The following NACA variants were observed in gnomAD, a reference collection of about 807,000 sequenced individuals.
NACA encodes nascent polypeptide associated complex subunit alpha.
A neutral mutation model predicts 86.4 loss-of-function variants in NACA; 42 were observed. The ratio of observed to expected loss-of-function variants is 0.49; its 90% confidence interval spans 0.38 to 0.63. The LOEUF is 0.63. NACA is among the 20% of genes least tolerant of loss of function. NACA has a pLI of 0.00. For missense variants in NACA, 2,157 were observed against 2,483.6 expected (o/e 0.87, Z 2.80); for synonymous variants, 898 against 973.7 (o/e 0.92, Z 1.45).
In NACA at chr12:56,725,285, G is replaced by A. The variant is rs1953688910; in HGVS notation, c.-25C>T. 1 of 153,546 alleles carries A rather than the reference G, an allele frequency of 6.5e-6. No individual in the cohort carries two copies. Among genetic ancestry groups the A allele is most frequent in the Non-Finnish European group, 1.5e-5 (1 of 68,690 alleles). 9.5% of individuals were successfully genotyped at this position (153,546 alleles called of 1,614,324 possible). A position where few individuals can be genotyped will look rare whatever the true frequency, so the allele number is the denominator to read the frequency against. The stretch of plus-strand genomic sequence containing the variant: ...TACTGTGCAGGGAACGCGGAACCAA[G>A]ATGGCGGCAGAAAGACCGAGCGAGA... On this transcript the variant is annotated 5_prime_UTR_variant, in exon 1 of 9. Transcript: ENST00000454682.
At position 56,716,190 on chromosome 12, in the gene NACA, C is replaced by T; in HGVS notation, c.5340G>A (p.Lys1780=). Residue 1780 remains lysine (K), a synonymous_variant, in exon 3 of 9, where the codon AAG becomes AAA. Coordinates refer to ENST00000454682, the MANE Select transcript of NACA (RefSeq NM_001365896.1). ...ATGCTGATTCAGGTTTAGGAAGGACCTTCTCAAAGGCAGCTGCTGTTAGAG... is the reference window on the plus strand; with the variant it reads ...ATGCTGATTCAGGTTTAGGAAGGACTTTCTCAAAGGCAGCTGCTGTTAGAG... The part of the protein sequence containing the change: ...STPLTAAAFE[K]VLPKPESASV... 1 of 1,613,700 alleles carries T rather than the reference C, an allele frequency of 6.2e-7. No homozygotes were observed. The highest frequency in any genetic ancestry group is 8.5e-7 in the Non-Finnish European group (1 of 1,179,884).
chr12:56,723,291 A>G (rs1421127179), intron 2 of NACA, among the ~76,000 whole-genome samples: 2 of 152,212 alleles, frequency 1.3e-5, no homozygotes, highest in African/African-American at 4.8e-5. Context: ...AGCATTAAGG[A>G]CTGTTTCAGA....
chr12:56,713,934 C>G (rs959342772), intron 5 of NACA: 3 of 447,402 alleles, frequency 6.7e-6, no homozygotes, highest in African/African-American at 5.9e-5. Context: ...GTCCGTCTCC[C>G]AGGTTCAAGC....
Position 56,718,752 on chromosome 12 carries a change from G to A in NACA, c.2778C>T (p.Ala926=). The A allele has an allele frequency of 6.9e-7, 1 of 1,446,256 alleles. No individual in the cohort carries two copies. The highest frequency in any genetic ancestry group is 9.3e-7 in the Non-Finnish European group (1 of 1,071,220). 89.6% of individuals were successfully genotyped at this position (1,446,256 alleles called of 1,614,324 possible). Residue 926 remains alanine (A), a synonymous_variant, in exon 3 of 9, where the codon GCC becomes GCT. Transcript: ENST00000454682. ...ATGGGGAAGCTGGGATTCCTTTAGG[G>A]GCTGGAGTTGCTCGGGCCTTTTTGG... ...SSPKKARATP[A]PKGIPASPSP... is the part of the protein sequence containing the mutation.
intron 5 of NACA, 182 bp from the exon 6 acceptor site, chr12:56,713,865 C>A: frequency 1.6e-6 from 1 of 638,082 alleles, no homozygotes; most frequent in Non-Finnish European, 2.6e-6. Context: ...TTTTTGGAGG[C>A]AGGTCTTGCT....
In NACA at chr12:56,719,925, TAC is replaced by T; in HGVS notation, c.1603_1604del (p.Val535ThrfsTer5). ...AAGGGGCTCCTTCAAGAGAGGCAGG[TAC>T]AGTTTGGAGGTCTTTTTGTGTTGGA... The part of the protein sequence containing the change: ...KFPTQKDLQT[V>X]PASLEGAPFS... On this transcript the variant is annotated frameshift_variant, in exon 3 of 9. Transcript: ENST00000454682. LOFTEE classifies it high-confidence loss of function. The T allele has an allele frequency of 6.4e-7, 1 of 1,572,892 alleles. No homozygotes were observed. The highest frequency in any genetic ancestry group is 1.2e-5 in the South Asian group (1 of 85,768).
At chr12:56,712,691 G>T in intron 8 of NACA, 95 bp downstream of exon 8, 1 of 1,603,174 alleles carries the variant, frequency 6.2e-7, no homozygotes, top group Non-Finnish European at 8.5e-7. Context: ...CTGGAATGAG[G>T]TTCCTTAATT....
At position 56,721,370 on chromosome 12, in the gene NACA, G is replaced by GT; in HGVS notation, c.159dup (p.Gln54ThrfsTer9). On this transcript the variant is annotated frameshift_variant, in exon 3 of 9. Coordinates refer to ENST00000454682, the MANE Select transcript of NACA (RefSeq NM_001365896.1). LOFTEE classifies it high-confidence loss of function. ...TTAGCAGCTGAGAGAGGGCACTGTT[G>GT]TGGGGCAGGAGAGCAAGGAGGGGGG... 1 of 1,598,290 alleles carries GT rather than the reference G, an allele frequency of 6.3e-7. No homozygotes were observed. The highest frequency in any genetic ancestry group is 1.1e-5 in the South Asian group (1 of 89,040).
chr12:56,723,060 A>G (rs1335863158), intron 2 of NACA, among the ~76,000 whole-genome samples: 1 of 152,222 alleles, frequency 6.6e-6, no homozygotes, highest in Non-Finnish European at 1.5e-5. Flanking sequence ...GCTACCAAAC[A>G]TAATGAATCA....
chr12:56,720,708 A>T lies in NACA; in HGVS notation c.822T>A (p.Ala274=). 1 of 1,613,970 alleles carries T rather than the reference A, an allele frequency of 6.2e-7. No homozygotes were observed. The highest frequency in any genetic ancestry group is 8.5e-7 in the Non-Finnish European group (1 of 1,179,890). Residue 274 remains alanine (A), a synonymous_variant, in exon 3 of 9, where the codon GCT becomes GCA. Coordinates refer to ENST00000454682, the MANE Select transcript of NACA (RefSeq NM_001365896.1). ...LSLKGPVSPP[A]ALSLSTQSLP... is the part of the protein sequence containing the mutation. ...GAGACTGAGTTGAAAGAGATAAGGC[A>T]GCAGGTGGACTAACAGGCCCCTTCA... is the stretch of plus-strand genomic sequence containing the variant.
chr12:56,716,005 G>A lies in NACA; in HGVS notation c.5525C>T (p.Pro1842Leu), dbSNP rs1953346697. ...AGAGATTGGTTCCGGGGGAATCAGA[G>A]GCAGCAGCTCATCCTCATCAGCAGG... ...LAPADEDELL[P>L]LIPPEPISGG... Residue 1842 changes from proline (P) to leucine (L), a missense_variant, in exon 3 of 9, where the codon CCT becomes CTT. Pro to Leu is a moderately conservative substitution (Grantham distance 98). Transcript: ENST00000454682. 2.5e-6 allele frequency: 4 copies of A among 1,596,100 alleles called. No homozygotes were observed. Among genetic ancestry groups the A allele is most frequent in the Non-Finnish European group, 2.6e-6 (3 of 1,169,648 alleles).
chr12:56,717,323 T>C lies in NACA; in HGVS notation c.4207A>G (p.Thr1403Ala). Reference protein sequence around the residue: ...PAIPSPKGDPTSPAVIPLSPK... With the variant: ...PAIPSPKGDPASPAVIPLSPK... Reference sequence around the variant, plus strand: ...GAGAGAGGAATCACTGCTGGGGAAGTGGGGTCCCCTTTGGGAGATGGGATA... The same window carrying C: ...GAGAGAGGAATCACTGCTGGGGAAGCGGGGTCCCCTTTGGGAGATGGGATA... Residue 1403 changes from threonine to alanine, a missense_variant, in exon 3 of 9, where the codon ACT becomes GCT. Physicochemically the swap from Thr to Ala is moderately conservative, Grantham distance 58. Coordinates refer to ENST00000454682, the MANE Select transcript of NACA (RefSeq NM_001365896.1). The C allele has an allele frequency of 7.5e-7, 1 of 1,327,906 alleles. No homozygotes were observed. The highest frequency in any genetic ancestry group is 9.8e-7 in the Non-Finnish European group (1 of 1,020,956). 82.3% of individuals were successfully genotyped at this position (1,327,906 alleles called of 1,614,324 possible).
At position 56,719,193 on chromosome 12, in the gene NACA, A is replaced by G. The variant is rs1428959668; in HGVS notation, c.2337T>C (p.Ala779=). ...TCAGAGTTCCTTTGGAAGATGCAGTAGCAGAAGCACCAGAGTCCTCAGTTG... is the reference window on the plus strand; with the variant it reads ...TCAGAGTTCCTTTGGAAGATGCAGTGGCAGAAGCACCAGAGTCCTCAGTTG... ...ECPTEDSGAS[A]TASSKGTLTY... is the part of the protein sequence containing the mutation. Residue 779 remains alanine (A), a synonymous_variant, in exon 3 of 9, where the codon GCT becomes GCC. Transcript: ENST00000454682. 6.8e-7 allele frequency: 1 copy of G among 1,479,742 alleles called. No homozygotes were observed. The highest frequency in any genetic ancestry group is 1.1e-5 in the South Asian group (1 of 88,932). 91.7% of individuals were successfully genotyped at this position (1,479,742 alleles called of 1,614,324 possible). A position where few individuals can be genotyped will look rare whatever the true frequency, so the allele number is the denominator to read the frequency against.
chr12:56,712,974 C>T, intron 7 of NACA, 66 bp from the exon 8 acceptor site: 1 of 1,611,582 alleles, frequency 6.2e-7, no homozygotes, highest in Non-Finnish European at 8.5e-7. Flanking sequence ...TCTTTGGAGT[C>T]TCCTGAATCT....
chr12:56,718,322 C>A lies in NACA; in HGVS notation c.3208G>T (p.Gly1070Cys). Residue 1070 changes from glycine to cysteine, a missense_variant, in exon 3 of 9, where the codon GGT becomes TGT. Around this residue, in one of 8 missense-constraint regions of NACA, gnomAD observed 124 missense variants for 186.5 expected, o/e 0.66. Transcript: ENST00000454682. ...PAATLPSPKG[G>C]PATPSLKGAP... ...CCCTTGAGGGATGGGGTAGCTGGAC[C>A]TCCTTTTGGGGAGGGAAGAGTTGCA... 1.8e-6 allele frequency: 2 copies of A among 1,125,220 alleles called. No homozygotes were observed. Among genetic ancestry groups the A allele is most frequent in the Non-Finnish European group, 2.2e-6 (2 of 909,408 alleles). The allele number at this position is 1,125,220 out of a possible 1,614,324, so 69.7% of individuals were successfully genotyped here. A position where few individuals can be genotyped will look rare whatever the true frequency, so the allele number is the denominator to read the frequency against.
rs765468257 is a variant in NACA at position 56,721,078 on chromosome 12, G to C, written c.452C>G (p.Ser151Cys). The C allele has an allele frequency of 1.2e-6, 2 of 1,613,814 alleles. No individual in the cohort carries two copies. Among genetic ancestry groups the C allele is most frequent in the Non-Finnish European group, 8.5e-7 (1 of 1,179,862 alleles). Residue 151 changes from serine (S) to cysteine (C), a missense_variant, in exon 3 of 9, where the codon TCT (serine) becomes TGT (cysteine). Physicochemically the swap from Ser to Cys is moderately radical, Grantham distance 112. Around this residue, in one of 8 missense-constraint regions of NACA, gnomAD observed 947 missense variants for 917.9 expected, o/e 1.03. Transcript: ENST00000454682. ...ALAPHSVQKS[S>C]AFPPNLLTSP... ...AGTAAGAAGGTTAGGTGGAAAAGCA[G>C]AACTCTTCTGAACTGAGTGGGGAGC...
At chr12:56,712,956 TCAG>T (rs763666769) in intron 7 of NACA, 48 bp from the exon 8 acceptor site, 193 of 1,613,338 alleles carry the variant, frequency 1.2e-4, no homozygotes, top group Non-Finnish European at 1.5e-5. Flanking sequence ...AAGAACAATT[TCAG>T]CAGTTCTTTG....
At chr12:56,714,163 C>T (rs796334630) in intron 5 of NACA, 199 bp downstream of exon 5, 95 of 568,392 alleles carry the variant, frequency 1.7e-4, no homozygotes, top group African/African-American at 8.6e-4. Context: ...TTACTTTCAA[C>T]GGGATTCTAC....
chr12:56,722,820 T>C (rs769023782), intron 2 of NACA, among the ~76,000 whole-genome samples: 62 of 149,034 alleles, frequency 4.2e-4, no homozygotes, highest in Non-Finnish European at 7.5e-4. Context: ...TAAGACAGTA[T>C]CTCTGGCATT....
Sources: allele counts gnomAD v4.1 joint callset (sites outside exome capture counted in the v4.1 genomes callset), GRCh38; gene constraint gnomAD v4.1.1; regional missense constraint gnomAD v4.1.1; transcripts MANE v1.5; gene names NCBI Gene and HGNC (gene_info 2026-07-23, HGNC 2026-07-21).